The following ECT2L variants were observed in gnomAD, a reference collection of about 807,000 sequenced individuals.
ECT2L encodes the protein epithelial cell-transforming sequence 2 oncogene-like.
ECT2L carries 126 observed loss-of-function variants against 122.8 expected under a neutral mutation model. That is an observed-to-expected ratio of 1.03 (90% CI 0.89 to 1.19). The LOEUF is 1.19. Among genes scored for constraint, ECT2L ranks in the 50% most tolerant of loss-of-function variants. ECT2L has a pLI of 0.00. For synonymous variants in ECT2L, 385 were observed against 381.8 expected, an observed-to-expected ratio of 1.01 and a Z score of -0.10; for missense variants, 1,012 against 1,064.1, an observed-to-expected ratio of 0.95 and a Z score of 0.68.
intron 5 of ECT2L, among the ~76,000 whole-genome samples, chr6:138,838,872 C>G (rs780081572): frequency 1.5e-4 from 23 of 152,196 alleles, no homozygotes; most frequent in Non-Finnish European, 2.9e-4. Flanking sequence ...TCCTCCGCCT[C>G]CTGGGTTCAA....
chr6:138,897,467 G>C (rs140919664), intron 20 of ECT2L, among the ~76,000 whole-genome samples: 2 of 152,222 alleles, frequency 1.3e-5, no homozygotes, highest in East Asian at 3.9e-4. Flanking sequence ...CTCAGATTTT[G>C]GTTTTCGCAG....
intron 1 of ECT2L, among the ~76,000 whole-genome samples, chr6:138,802,807 T>C (rs980732274): frequency 6.6e-6 from 1 of 152,094 alleles, no homozygotes; most frequent in African/African-American, 2.4e-5. Flanking sequence ...CAGTGCAAGG[T>C]GGCTCATGCC....
intron 4 of ECT2L, among the ~76,000 whole-genome samples, chr6:138,836,232 A>C (rs907374081): frequency 6.6e-6 from 1 of 151,210 alleles, no homozygotes; most frequent in African/African-American, 2.4e-5. Context: ...AAACTATTCT[A>C]TGTAAATATC....
intron 9 of ECT2L, among the ~76,000 whole-genome samples, chr6:138,852,215 T>C (rs974425640): frequency 2.0e-5 from 3 of 152,174 alleles, no homozygotes; most frequent in Non-Finnish European, 4.4e-5. Flanking sequence ...AAGTCAGTCA[T>C]TGAGCCACTG....
intron 1 of ECT2L, among the ~76,000 whole-genome samples, chr6:138,802,906 T>C (rs1460586471): frequency 1.3e-5 from 2 of 151,780 alleles, no homozygotes; most frequent in Non-Finnish European, 2.9e-5. Flanking sequence ...TGAAACCCCA[T>C]CTCTACTGAA....
chr6:138,878,693 C>A (rs1201540905), intron 14 of ECT2L, among the ~76,000 whole-genome samples: 7 of 151,822 alleles, frequency 4.6e-5, no homozygotes, highest in African/African-American at 1.7e-4. Flanking sequence ...GTGATCCACC[C>A]GCCTCAGCCT....
intron 20 of ECT2L, among the ~76,000 whole-genome samples, chr6:138,894,108 G>A (rs1443102172): frequency 6.6e-6 from 1 of 152,100 alleles, no homozygotes; most frequent in Non-Finnish European, 1.5e-5. Context: ...CCAGGCTGGA[G>A]TGCAGTGGCG....
intron 11 of ECT2L, among the ~76,000 whole-genome samples, chr6:138,863,235 AC>A (rs1014544448): frequency 1.3e-5 from 2 of 152,228 alleles, no homozygotes; most frequent in African/African-American, 4.8e-5. Context: ...GGGCTGACCA[AC>A]AACAGAACCA....
At chr6:138,879,708 A>C (rs751241231) in intron 14 of ECT2L, among the ~76,000 whole-genome samples, 52 of 152,198 alleles carry the variant, frequency 3.4e-4, no homozygotes, top group Non-Finnish European at 4.4e-4. Flanking sequence ...TAATCCCAGC[A>C]CTTTGGGAGG....
chr6:138,825,185 C>CT (rs1776402535), intron 4 of ECT2L, among the ~76,000 whole-genome samples: 4 of 152,202 alleles, frequency 2.6e-5, no homozygotes, highest in African/African-American at 7.2e-5. Flanking sequence ...AGCAAAGACT[C>CT]AGAGAATGAC....
At chr6:138,845,048 A>G (rs531833690) in intron 7 of ECT2L, among the ~76,000 whole-genome samples, 5 of 152,076 alleles carry the variant, frequency 3.3e-5, no homozygotes, top group Non-Finnish European at 7.4e-5. Context: ...GAGTATCCAA[A>G]TGGTATCCAA....
At chr6:138,849,529 T>C in intron 9 of ECT2L, 95 bp downstream of exon 9, 1 of 1,322,744 alleles carries the variant, frequency 7.6e-7, no homozygotes, top group Admixed American at 3.1e-5. Context: ...CAGTTCCAAG[T>C]TGCTAAGACG....
At chr6:138,896,898 G>A (rs542407808) in intron 20 of ECT2L, among the ~76,000 whole-genome samples, 9 of 152,058 alleles carry the variant, frequency 5.9e-5, no homozygotes, top group South Asian at 4.2e-4. Context: ...TGCCCACCTC[G>A]GCCTCCCAAA....
intron 4 of ECT2L, among the ~76,000 whole-genome samples, chr6:138,830,441 A>T (rs752788920): frequency 2.0e-5 from 3 of 152,126 alleles, no homozygotes; most frequent in African/African-American, 7.2e-5. Flanking sequence ...CATTTTGCAA[A>T]AAGGGATGTC....
At chr6:138,902,419 T>C (rs947672414) in intron 21 of ECT2L, 81 bp from the exon 22 acceptor site, 101 of 1,350,314 alleles carry the variant, frequency 7.5e-5, no homozygotes, top group East Asian at 1.2e-4. Flanking sequence ...TTAAAGATGA[T>C]GATTTTTGAG....
At chr6:138,889,081 G>A (rs757536991) in intron 20 of ECT2L, 50 bp downstream of exon 20, 1 of 1,047,938 alleles carries the variant, frequency 9.5e-7, no homozygotes, top group South Asian at 1.9e-5. Flanking sequence ...CCAAGCAGGT[G>A]ACTGTCTTAC....
At chr6:138,842,779 GTAAAA>G (rs1176841217) in intron 5 of ECT2L, among the ~76,000 whole-genome samples, 195 bp from the exon 6 acceptor site, 2 of 151,922 alleles carry the variant, frequency 1.3e-5, no homozygotes, top group Non-Finnish European at 2.9e-5. Context: ...CTCAAAATAA[GTAAAA>G]TAAAATATAA....
chr6:138,856,917 G>A (rs529920053), intron 10 of ECT2L, among the ~76,000 whole-genome samples: 8 of 152,134 alleles, frequency 5.3e-5, no homozygotes, highest in Non-Finnish European at 1.2e-4. Context: ...CAATAACCCT[G>A]TCTCTCAGCT....
chr6:138,827,616 G>T (rs886371383), intron 4 of ECT2L, among the ~76,000 whole-genome samples: 2 of 151,982 alleles, frequency 1.3e-5, no homozygotes, highest in South Asian at 4.2e-4. Context: ...GAGTGCAGCC[G>T]CACAATCTTG....
Sources: allele counts gnomAD v4.1 joint callset (sites outside exome capture counted in the v4.1 genomes callset), GRCh38; gene constraint gnomAD v4.1.1; transcripts MANE v1.5; gene names NCBI Gene and HGNC (gene_info 2026-07-23, HGNC 2026-07-21).